Variants in RBFOX1 observed in about 807,000 individuals in gnomAD.
RBFOX1 encodes the protein RNA binding protein fox-1 homolog 1.
RBFOX1 carries 8 observed loss-of-function variants against 57.7 expected under a neutral mutation model. The ratio of observed to expected loss-of-function variants is 0.14; its 90% confidence interval spans 0.08 to 0.25. The LOEUF is 0.25. Among genes scored for constraint, RBFOX1 ranks in the 10% least tolerant of loss-of-function variants. The pLI is 1.00. For missense variants in RBFOX1, 611 were observed against 548.5 expected, an observed-to-expected ratio of 1.11 and a Z score of -1.14; for synonymous variants, 326 against 222.4, an observed-to-expected ratio of 1.47 and a Z score of -4.15.
chr16:6,325,550 G>A (rs1341473766), intron 2 of RBFOX1, among the ~76,000 whole-genome samples: 3 of 152,146 alleles, frequency 2.0e-5, no homozygotes, highest in African/African-American at 7.2e-5. Context: ...TCTGCTTGCT[G>A]TCTCAGCTCA....
intron 2 of RBFOX1, among the ~76,000 whole-genome samples, chr16:5,471,711 A>T (rs1031899029): frequency 1.3e-5 from 2 of 152,106 alleles, no homozygotes; most frequent in African/African-American, 4.8e-5. Flanking sequence ...GAGTATTTAC[A>T]CCTGCTCTGA....
chr16:6,532,744 G>C (rs1187676002), intron 2 of RBFOX1, among the ~76,000 whole-genome samples: 1 of 152,078 alleles, frequency 6.6e-6, no homozygotes, highest in Non-Finnish European at 1.5e-5. Context: ...CTGAGCTTAG[G>C]GTTTATGTCT....
chr16:5,847,431 T>C (rs2056786017), intron 3 of RBFOX1, among the ~76,000 whole-genome samples: 1 of 152,042 alleles, frequency 6.6e-6, no homozygotes, highest in Non-Finnish European at 1.5e-5. Context: ...TGTGCACAGA[T>C]GTTACAGGAG....
At chr16:7,119,413 G>A (rs560911976) in intron 4 of RBFOX1, among the ~76,000 whole-genome samples, 1 of 152,192 alleles carries the variant, frequency 6.6e-6, no homozygotes, top group South Asian at 2.1e-4. Flanking sequence ...GCTATCTTAA[G>A]GAAACTCAAA....
At chr16:7,281,918 G>T (rs1401294386) in intron 4 of RBFOX1, among the ~76,000 whole-genome samples, 1 of 152,026 alleles carries the variant, frequency 6.6e-6, no homozygotes, top group Non-Finnish European at 1.5e-5. Context: ...TGGACAGGAG[G>T]TCAGTGGCAC....
chr16:6,921,232 T>G (rs1217080441), intron 3 of RBFOX1, among the ~76,000 whole-genome samples: 3 of 152,210 alleles, frequency 2.0e-5, no homozygotes, highest in Non-Finnish European at 2.9e-5. Context: ...TTTAGCAATT[T>G]AAAACAGCAC....
chr16:7,708,030 G>C (rs1029500397), intron 14 of RBFOX1, among the ~76,000 whole-genome samples: 1 of 152,150 alleles, frequency 6.6e-6, no homozygotes, highest in African/African-American at 2.4e-5. Context: ...GACCAAGCAC[G>C]CAAGTTGCCC....
intron 2 of RBFOX1, among the ~76,000 whole-genome samples, chr16:6,569,011 G>C (rs1444941737): frequency 6.6e-6 from 1 of 152,076 alleles, no homozygotes; most frequent in Non-Finnish European, 1.5e-5. Flanking sequence ...AACCTTAAAT[G>C]ATCTGCCTAC....
chr16:5,834,781 GATA>G (rs2056405835), intron 3 of RBFOX1, among the ~76,000 whole-genome samples: 1 of 23,788 alleles, frequency 4.2e-5, no homozygotes, highest in Non-Finnish European at 9.4e-5. Context: ...ACAGATGATA[GATA>G]GATAGATAGA....
At chr16:7,143,865 A>G (rs13330438) in intron 4 of RBFOX1, among the ~76,000 whole-genome samples, 20,892 of 152,202 alleles carry the variant, frequency 0.14, 1,699 homozygotes, top group East Asian at 0.34. Context: ...ATAAGATCCT[A>G]GAAGGTAAGA....
At chr16:5,568,688 C>G (rs1483553228) in intron 2 of RBFOX1, among the ~76,000 whole-genome samples, 4 of 152,212 alleles carry the variant, frequency 2.6e-5, no homozygotes, top group Non-Finnish European at 5.9e-5. Flanking sequence ...TGGGCTTTCT[C>G]TCTCATCCGT....
At chr16:7,055,490 C>T (rs943366341) in intron 4 of RBFOX1, among the ~76,000 whole-genome samples, 1 of 152,164 alleles carries the variant, frequency 6.6e-6, no homozygotes, top group Non-Finnish European at 1.5e-5. Flanking sequence ...TGTCTGCCAT[C>T]TACCCCATAT....
chr16:6,070,618 G>C (rs1378809411), intron 1 of RBFOX1, among the ~76,000 whole-genome samples: 1 of 151,970 alleles, frequency 6.6e-6, no homozygotes, highest in African/African-American at 2.4e-5. Context: ...CAAATTCATA[G>C]GTGCCTTTTT....
chr16:6,378,713 T>TA (rs1395406799), intron 2 of RBFOX1, among the ~76,000 whole-genome samples: 10 of 152,204 alleles, frequency 6.6e-5, no homozygotes, highest in African/African-American at 2.4e-4. Flanking sequence ...TCTTCCCAGT[T>TA]AAAGCATATG....
chr16:5,297,217 T>A (rs914454144), intron 1 of RBFOX1, among the ~76,000 whole-genome samples: 1 of 152,356 alleles, frequency 6.6e-6, no homozygotes, highest in East Asian at 1.9e-4. Flanking sequence ...GCAGTGAACA[T>A]GGGAGTGCAA....
At chr16:6,736,309 C>T (rs1309381176) in intron 3 of RBFOX1, among the ~76,000 whole-genome samples, 3 of 152,072 alleles carry the variant, frequency 2.0e-5, no homozygotes, top group Non-Finnish European at 4.4e-5. Context: ...TCCCTCACCC[C>T]TCTACTCTTC....
intron 1 of RBFOX1, among the ~76,000 whole-genome samples, chr16:5,242,809 T>G (rs1006616749): frequency 2.0e-5 from 3 of 152,078 alleles, no homozygotes; most frequent in African/African-American, 7.2e-5. Context: ...GGCTGAGGTT[T>G]TAATGTGACT....
chr16:6,966,914 TCC>T (rs2084365366), intron 3 of RBFOX1, among the ~76,000 whole-genome samples: 1 of 151,202 alleles, frequency 6.6e-6, no homozygotes, highest in Non-Finnish European at 1.5e-5. Context: ...CATCCATCCA[TCC>T]ATCCATCCAT....
chr16:7,246,209 A>G (rs886417352), intron 4 of RBFOX1, among the ~76,000 whole-genome samples: 2 of 152,198 alleles, frequency 1.3e-5, no homozygotes, highest in African/African-American at 4.8e-5. Flanking sequence ...CTGCTTTCAA[A>G]TTTGAGAGAA....
Sources: allele counts gnomAD v4.1 joint callset (sites outside exome capture counted in the v4.1 genomes callset), GRCh38; gene constraint gnomAD v4.1.1; transcripts MANE v1.5; gene names NCBI Gene and HGNC (gene_info 2026-07-23, HGNC 2026-07-21).